Variants in FCRL5 observed in about 807,000 individuals in gnomAD.
FCRL5 encodes Fc receptor-like protein 5.
In FCRL5, 79 loss-of-function variants were observed where a neutral mutation model predicts 92.1. The ratio of observed to expected loss-of-function variants is 0.86; its 90% CI spans 0.72 to 1.03. The LOEUF is 1.03. Among genes scored for constraint, FCRL5 ranks in the 50% least tolerant of loss-of-function variants. The pLI is 0.00. For synonymous variants in FCRL5, 466 were observed against 469.3 expected (o/e 0.99, Z 0.09); for missense variants, 1,160 against 1,181.1 (o/e 0.98, Z 0.26).
chr1:157,534,964 A>G (rs1329792757), intron 7 of FCRL5, 72 bp from the exon 8 acceptor site: 2 of 1,412,132 alleles, frequency 1.4e-6, no homozygotes, highest in Non-Finnish European at 1.9e-6. Flanking sequence ...TGGCCAGTGC[A>G]GATGCCCAGT....
At chr1:157,552,249 G>A in intron 1 of FCRL5, 83 bp downstream of exon 1, 1 of 1,369,634 alleles carries the variant, frequency 7.3e-7, no homozygotes, top group African/African-American at 1.4e-5. Flanking sequence ...CAGGGGCTGA[G>A]CCCCAAGAAA....
At chr1:157,521,528 T>C in intron 10 of FCRL5, 1 of 451,640 alleles carries the variant, frequency 2.2e-6, no homozygotes, top group Non-Finnish European at 3.9e-6. Context: ...AATAAATATA[T>C]ACAGAGATTC....
intron 5 of FCRL5, among the ~76,000 whole-genome samples, chr1:157,543,812 G>A (rs760126917): frequency 2.0e-5 from 3 of 152,186 alleles, no homozygotes; most frequent in African/African-American, 4.8e-5. Flanking sequence ...AACCTCCAGA[G>A]TCACATATTT....
At chr1:157,533,224 T>G (rs1571092415) in intron 8 of FCRL5, 1 of 152,198 alleles carries the variant, frequency 6.6e-6, no homozygotes, top group South Asian at 2.1e-4. Flanking sequence ...ACTACATTTT[T>G]GAGTTTCATT....
chr1:157,551,781 C>A (rs1003184601), intron 1 of FCRL5, among the ~76,000 whole-genome samples: 13 of 152,240 alleles, frequency 8.5e-5, no homozygotes, highest in African/African-American at 3.1e-4. Flanking sequence ...AAGAGAAAGT[C>A]ATATGCTTTA....
rs112398428 is a variant in FCRL5 at position 157,547,038 on chromosome 1, G to A, written c.212C>T (p.Pro71Leu). Residue 71 changes from proline (P) to leucine (L), a missense_variant, in exon 3 of 17, where the codon CCA becomes CTA. By Grantham distance (98) the Pro-to-Leu change is moderately conservative. Transcript: ENST00000361835. The part of the protein sequence containing the change: ...YLGKEILRET[P>L]DNILEVQESG... ...TTCCTGAACCTCAAGGATATTGTCT[G>A]GGGTTTCTCTTAGTATTTCTTTCCC... The A allele has an allele frequency of 1.7e-5, 27 of 1,614,158 alleles. No individual in the cohort carries two copies. In the African/African-American group the frequency reaches 2.0e-4, roughly 12 times the overall value.
intron 8 of FCRL5, among the ~76,000 whole-genome samples, chr1:157,530,770 T>C (rs537201253): frequency 1.9e-4 from 29 of 152,378 alleles, no homozygotes; most frequent in Non-Finnish European, 3.7e-4. Flanking sequence ...TTCTTAAATG[T>C]CAAGTGATGC....
Position 157,534,887 on chromosome 1 carries a change from C to G in FCRL5, c.1408G>C (p.Val470Leu), listed in dbSNP as rs1415904754. 41 of 1,527,304 alleles carry G rather than the reference C, an allele frequency of 2.7e-5. No individual in the cohort carries two copies. The highest frequency in any genetic ancestry group is 3.4e-5 in the Non-Finnish European group (39 of 1,140,334). 94.6% of individuals were successfully genotyped at this position (1,527,304 alleles called of 1,614,324 possible). ...KAVSLSVTVPVSHPVLTLSSA... is the reference protein window; with the variant it reads ...KAVSLSVTVPLSHPVLTLSSA... ...CTGAGGGTGAGGACAGGATGAGACACAGGGACTGAGGAAGAGAAAGATTGA... is the reference window on the plus strand; with the variant it reads ...CTGAGGGTGAGGACAGGATGAGACAGAGGGACTGAGGAAGAGAAAGATTGA... The change falls in exon 8 of 17, where the codon GTG becomes CTG. Residue 470 changes from valine (V) to leucine (L), a missense_variant. Transcript: ENST00000361835.
At chr1:157,517,670 G>C (rs1173421387) in intron 15 of FCRL5, among the ~76,000 whole-genome samples, 1 of 152,102 alleles carries the variant, frequency 6.6e-6, no homozygotes, top group Non-Finnish European at 1.5e-5. Context: ...CAGTGAGACC[G>C]GCGTCAGACT....
intron 5 of FCRL5, 140 bp from the exon 6 acceptor site, chr1:157,543,277 G>T (rs1328443490): frequency 1.2e-4 from 88 of 759,270 alleles, no homozygotes; most frequent in Non-Finnish European, 1.7e-4. Context: ...ACCTGCACCT[G>T]CTTCTTGCTC....
rs1449144382 is a variant in FCRL5, at chr1:157,515,449, C to G, written c.*226G>C. 2.5e-6 allele frequency: 2 copies of G among 814,926 alleles called. No homozygotes were observed. The highest frequency in any genetic ancestry group is 3.7e-6 in the Non-Finnish European group (2 of 534,380). The allele number at this position is 814,926 out of a possible 1,614,324, so 50.5% of individuals were successfully genotyped here. ...GTGCTGGGCCCTGGAGTGGGAGCAC[C>G]TTGCCACTGGATTAAAAAACCTGCC... On this transcript the variant is annotated 3_prime_UTR_variant, in exon 17 of 17. Coordinates refer to ENST00000361835, the MANE Select transcript of FCRL5 (RefSeq NM_031281.3).
rs375192406 is a variant in FCRL5 at position 157,518,433 on chromosome 1, A to G, written c.2808T>C (p.His936=). 3.1e-6 allele frequency: 5 copies of G among 1,613,476 alleles called. No individual in the cohort carries two copies. Among genetic ancestry groups the G allele is most frequent in the South Asian group, 1.1e-5 (1 of 91,048 alleles). ...EVRIIQEKKK[H]AVASDPRHLR... ...AGAGACATCCTTGGGTCTTACCTGC[A>G]TGTTTCTTTTTCTCTTGGATGATCC... Residue 936 remains histidine, a synonymous_variant, in exon 15 of 17, where the codon CAT becomes CAC. Coordinates refer to ENST00000361835, the MANE Select transcript of FCRL5 (RefSeq NM_031281.3).
chr1:157,534,586 G>A (rs755680697), intron 8 of FCRL5, 28 bp downstream of exon 8: 4 of 1,613,658 alleles, frequency 2.5e-6, no homozygotes, highest in Non-Finnish European at 2.5e-6. Flanking sequence ...AGCCAGGGGT[G>A]GGTGACTGGC....
At chr1:157,524,625 T>G (rs73011532) in intron 9 of FCRL5, 68 bp from the exon 10 acceptor site, 33,114 of 1,473,046 alleles carry the variant, frequency 0.022, 1,797 homozygotes, top group African/African-American at 0.2. Context: ...CTAAAGACAT[T>G]TCAAATGGAA....
chr1:157,515,821 C>T, intron 16 of FCRL5, 21 bp downstream of exon 16: 1 of 1,614,022 alleles, frequency 6.2e-7, no homozygotes, highest in South Asian at 1.1e-5. Flanking sequence ...TGGGGGAGGG[C>T]ATGCAGAAGG....
intron 15 of FCRL5, among the ~76,000 whole-genome samples, chr1:157,516,670 AATT>A (rs1176226193): frequency 6.6e-6 from 1 of 152,240 alleles, no homozygotes; most frequent in Non-Finnish European, 1.5e-5. Flanking sequence ...AGATATTATA[AATT>A]ATTATTGTTA....
chr1:157,520,700 G>C, intron 11 of FCRL5, 153 bp from the exon 12 acceptor site: 1 of 643,870 alleles, frequency 1.6e-6, no homozygotes, highest in Non-Finnish European at 2.7e-6. Context: ...GATGGCTCCT[G>C]TCTTTGTGAG....
At chr1:157,537,390 C>G (rs1031407565) in intron 7 of FCRL5, among the ~76,000 whole-genome samples, 1 of 152,130 alleles carries the variant, frequency 6.6e-6, no homozygotes, top group Non-Finnish European at 1.5e-5. Context: ...CTTATTAGGA[C>G]GAGGAAATTC....
Position 157,535,378 on chromosome 1 carries a change from G to A in FCRL5, c.1403-486C>T, listed in dbSNP as rs77774945. ...TTTGGCTTCTTCCAAACTACATTTT[G>A]GTGTGTTTAACTATCTCCATATAAG... On this transcript the variant is annotated intron_variant, in intron 7 of 16. Transcript: ENST00000361835. Among the ~76,000 whole-genome samples, 1,114 of 152,202 alleles carry A rather than the reference G, an allele frequency of 7.3e-3. 16 individuals carry two copies. Among genetic ancestry groups the A allele is most frequent in the African/African-American group, 0.026 (1,073 of 41,524 alleles).
Sources: allele counts gnomAD v4.1 joint callset (sites outside exome capture counted in the v4.1 genomes callset), GRCh38; gene constraint gnomAD v4.1.1; transcripts MANE v1.5; gene names NCBI Gene and HGNC (gene_info 2026-07-23, HGNC 2026-07-21).